SETD5: variants seen among roughly 807,000 people sequenced by gnomAD.
SETD5 encodes the protein histone-lysine N-methyltransferase SETD5.
SETD5 carries 44 observed loss-of-function variants against 153.3 expected under a neutral mutation model. The observed-to-expected ratio is 0.29, with a 90% CI of 0.23 to 0.37. The LOEUF (loss-of-function observed/expected upper bound fraction) is 0.37, where lower values mean the gene tolerates loss of function less well. Ranked by LOEUF, SETD5 falls within the 10% of genes least tolerant of loss-of-function variation. SETD5 has a pLI of 1.00. For missense variants in SETD5, 1,544 were observed against 1,768.0 expected (o/e 0.87, Z 2.27); for synonymous variants, 716 against 645.2 (o/e 1.11, Z -1.66).
chr3:9,433,821 G>A, intron 3 of SETD5, 24 bp from the exon 4 acceptor site: 1 of 1,604,524 alleles, frequency 6.2e-7, no homozygotes, highest in Non-Finnish European at 8.5e-7. Context: ...ATGCTATCAT[G>A]CATTGCTTTT....
intron 18 of SETD5, among the ~76,000 whole-genome samples, chr3:9,466,219 C>T (rs1305757556): frequency 2.9e-5 from 4 of 138,622 alleles, no homozygotes; most frequent in Admixed American, 8.1e-5. Flanking sequence ...ACCCGGGAGG[C>T]GGAGCTTGCA....
At chr3:9,452,743 C>T (rs924309252) in intron 16 of SETD5, among the ~76,000 whole-genome samples, 7 of 135,336 alleles carry the variant, frequency 5.2e-5, no homozygotes, top group Non-Finnish European at 1.5e-5. Flanking sequence ...ATGAGAATTG[C>T]TCTCTGGTGA....
intron 1 of SETD5, among the ~76,000 whole-genome samples, chr3:9,406,592 A>G (rs765160573): frequency 1.4e-5 from 2 of 142,450 alleles, no homozygotes; most frequent in Non-Finnish European, 3.0e-5. Flanking sequence ...TGGGCGACAG[A>G]GCGAGACTCT....
At chr3:9,424,057 C>A (rs1423262476) in intron 1 of SETD5, among the ~76,000 whole-genome samples, 1 of 152,118 alleles carries the variant, frequency 6.6e-6, no homozygotes, top group Non-Finnish European at 1.5e-5. Flanking sequence ...GGCCCCTTGT[C>A]TGGCTGGACA....
At chr3:9,426,548 C>T (rs1208652707) in intron 2 of SETD5, among the ~76,000 whole-genome samples, 5 of 152,036 alleles carry the variant, frequency 3.3e-5, no homozygotes, top group Admixed American at 3.3e-4. Context: ...CAGCGTGTGC[C>T]ACTACAGCTA....
At chr3:9,474,303 G>A (rs1324630220) in intron 20 of SETD5, 146 bp from the exon 21 acceptor site, 2 of 792,176 alleles carry the variant, frequency 2.5e-6, no homozygotes, top group Non-Finnish European at 3.8e-6. Context: ...ATAGTTGGAG[G>A]CAGAGGAAAT....
chr3:9,455,950 T>G (rs543512483), intron 17 of SETD5, among the ~76,000 whole-genome samples: 2 of 152,300 alleles, frequency 1.3e-5, no homozygotes, highest in East Asian at 3.9e-4. Flanking sequence ...AAAAGCAATG[T>G]AGGAAAATAT....
At chr3:9,409,379 C>T (rs769994994) in intron 1 of SETD5, among the ~76,000 whole-genome samples, 1 of 152,146 alleles carries the variant, frequency 6.6e-6, no homozygotes, top group Non-Finnish European at 1.5e-5. Context: ...TTAGCAACAT[C>T]TAAAGACGTG....
intron 17 of SETD5, among the ~76,000 whole-genome samples, chr3:9,460,365 T>C (rs1051403092): frequency 6.6e-6 from 1 of 151,780 alleles, no homozygotes; most frequent in Non-Finnish European, 1.5e-5. Context: ...GATTATGCCA[T>C]GTTCCTGGGT....
At chr3:9,467,226 A>G (rs950540122) in intron 18 of SETD5, among the ~76,000 whole-genome samples, 2 of 135,742 alleles carry the variant, frequency 1.5e-5, no homozygotes, top group Admixed American at 1.5e-4. Flanking sequence ...AAAAAAAAAC[A>G]ACCTTACTAG....
At chr3:9,418,920 G>A (rs985785499) in intron 1 of SETD5, among the ~76,000 whole-genome samples, 1 of 152,058 alleles carries the variant, frequency 6.6e-6, no homozygotes, top group Admixed American at 6.5e-5. Flanking sequence ...TCCACCTCCT[G>A]GATTCAAGCG....
chr3:9,452,535 T>G (rs1320402712), intron 16 of SETD5, among the ~76,000 whole-genome samples: 2 of 152,228 alleles, frequency 1.3e-5, no homozygotes, highest in African/African-American at 2.4e-5. Context: ...GTTTACGTGA[T>G]TCAAATTACC....
intron 1 of SETD5, among the ~76,000 whole-genome samples, chr3:9,412,783 G>GT (rs553388005): frequency 3.8e-4 from 57 of 151,658 alleles, no homozygotes; most frequent in African/African-American, 1.4e-3. Flanking sequence ...GAAATGAAAT[G>GT]TTATCTGGGG....
At chr3:9,410,382 A>G (rs1250680537) in intron 1 of SETD5, among the ~76,000 whole-genome samples, 1 of 152,214 alleles carries the variant, frequency 6.6e-6, no homozygotes, top group Non-Finnish European at 1.5e-5. Flanking sequence ...ACATGACCAT[A>G]TATAGTCAGA....
chr3:9,418,667 G>A (rs997570294), intron 1 of SETD5, among the ~76,000 whole-genome samples: 7 of 151,824 alleles, frequency 4.6e-5, no homozygotes, highest in South Asian at 4.2e-4. Flanking sequence ...GCTGGGTGTG[G>A]TGGTGGGCAC....
intron 3 of SETD5, chr3:9,433,412 G>A: frequency 7.8e-7 from 1 of 1,289,884 alleles, no homozygotes; most frequent in Non-Finnish European, 1.0e-6. Context: ...CCTGGTCCCT[G>A]GGGCAGTGCA....
rs1559328707 is a variant in SETD5 at position 9,397,678 on chromosome 3, C to CGCT, written c.-474_-473insTGC. 3 of 180,380 alleles carry CGCT rather than the reference C, an allele frequency of 1.7e-5. No homozygotes were observed. The highest frequency in any genetic ancestry group is 7.2e-5 in the African/African-American group (3 of 41,492). 11.2% of individuals were successfully genotyped at this position (180,380 alleles called of 1,614,324 possible). ...CCGCCGCCGCCGCCGCCGCCGCCGC[C>CGCT]GCCGCCGCTGCCGGGGGAGGGGCGG... On this transcript the variant is annotated 5_prime_UTR_variant, in exon 1 of 23. Coordinates refer to ENST00000402198, the MANE Select transcript of SETD5 (RefSeq NM_001080517.3).
At chr3:9,422,108 C>A (rs1004749682) in intron 1 of SETD5, among the ~76,000 whole-genome samples, 2 of 151,896 alleles carry the variant, frequency 1.3e-5, no homozygotes, top group African/African-American at 4.8e-5. Context: ...AAAAAGAAAC[C>A]AGGCCTAGGA....
intron 7 of SETD5, chr3:9,436,975 G>C: frequency 8.1e-7 from 1 of 1,233,804 alleles, no homozygotes; most frequent in African/African-American, 1.5e-5. Flanking sequence ...TGATGGTCTG[G>C]GAATCTTGGA....
Sources: allele counts gnomAD v4.1 joint callset (sites outside exome capture counted in the v4.1 genomes callset), GRCh38; gene constraint gnomAD v4.1.1; transcripts MANE v1.5; gene names NCBI Gene and HGNC (gene_info 2026-07-23, HGNC 2026-07-21).